RGS5: variants seen among roughly 807,000 people sequenced by gnomAD.
RGS5 encodes the protein regulator of G-protein signalling 5.
Under a neutral mutation model 18.9 loss-of-function variants are expected in RGS5, and 20 were observed. The ratio of observed to expected loss-of-function variants is 1.06; its 90% CI spans 0.74 to 1.54. The LOEUF (loss-of-function observed/expected upper bound fraction) is 1.54, where lower values mean the gene tolerates loss of function less well. Among genes scored for constraint, RGS5 ranks in the 40% most tolerant of loss-of-function variants. The pLI is 0.00. For synonymous variants in RGS5, 57 were observed against 76.2 expected, an observed-to-expected ratio of 0.75 and a Z score of 1.31; for missense variants, 201 against 211.8, an observed-to-expected ratio of 0.95 and a Z score of 0.32.
At chr1:163,279,160 T>C (rs1166550995) in intron 2 of RGS5, among the ~76,000 whole-genome samples, 4 of 152,144 alleles carry the variant, frequency 2.6e-5, no homozygotes, top group African/African-American at 9.6e-5. Flanking sequence ...AAGTCTACTA[T>C]AGACCAAATA....
intron 4 of RGS5, among the ~76,000 whole-genome samples, chr1:163,148,673 C>T (rs1296256890): frequency 1.3e-5 from 2 of 152,170 alleles, no homozygotes; most frequent in Non-Finnish European, 2.9e-5. Flanking sequence ...TGCACTGTGG[C>T]TTACATGTCC....
At chr1:163,183,863 T>A (rs371678015) in intron 1 of RGS5, among the ~76,000 whole-genome samples, 1 of 152,266 alleles carries the variant, frequency 6.6e-6, no homozygotes, top group East Asian at 1.9e-4. Flanking sequence ...CTTTCTCCCG[T>A]CTCTCCAGTG....
intron 2 of RGS5, among the ~76,000 whole-genome samples, chr1:163,280,978 T>C (rs1648976714): frequency 6.6e-6 from 1 of 152,148 alleles, no homozygotes; most frequent in African/African-American, 2.4e-5. Context: ...GTAGCTCTCA[T>C]TCCGATGAGT....
rs1000650062 is a variant in RGS5, at chr1:163,152,619, G to T, written c.315C>A (p.Ser105=). The change falls in exon 4 of 5, where the codon TCC becomes TCA. Residue 105 remains serine (S), a synonymous_variant. Coordinates refer to ENST00000313961, the MANE Select transcript of RGS5 (RefSeq NM_003617.4). ...IACEDYKKIK[S]PAKMAEKAKQ... is the part of the protein sequence containing the mutation. The stretch of plus-strand genomic sequence containing the variant: ...TTGCCTTCTCAGCCATCTTGGCAGG[G>T]GACTTGATCTTCTTGTAATCCTCAC... 4.3e-6 allele frequency: 7 copies of T among 1,612,468 alleles called. No individual in the cohort carries two copies. The Admixed American group carries it at 6.7e-5, about 15-fold the overall frequency.
intron 1 of RGS5, among the ~76,000 whole-genome samples, chr1:163,314,704 T>A (rs1422094605): frequency 6.6e-6 from 1 of 152,084 alleles, no homozygotes; most frequent in Non-Finnish European, 1.5e-5. Context: ...ACTCCCAAGG[T>A]GATATTAGGA....
intron 2 of RGS5, among the ~76,000 whole-genome samples, chr1:163,225,115 T>C (rs1435479221): frequency 6.6e-6 from 1 of 152,194 alleles, no homozygotes. Context: ...GATCAAATAA[T>C]GAAGTGTTTC....
intron 2 of RGS5, among the ~76,000 whole-genome samples, chr1:163,292,786 T>C (rs1649322866): frequency 6.6e-6 from 1 of 152,276 alleles, no homozygotes; most frequent in South Asian, 2.1e-4. Context: ...TGAGCTTTTC[T>C]TCATGTGTTT....
chr1:163,295,728 T>A (rs772572807), intron 2 of RGS5, among the ~76,000 whole-genome samples: 17 of 152,222 alleles, frequency 1.1e-4, no homozygotes, highest in Non-Finnish European at 2.2e-4. Context: ...AAGTGGAATC[T>A]TCAAAGGCAT....
chr1:163,200,078 G>A (rs1271685044), intron 1 of RGS5, among the ~76,000 whole-genome samples: 1 of 152,076 alleles, frequency 6.6e-6, no homozygotes, highest in Non-Finnish European at 1.5e-5. Context: ...GTTAGAACTC[G>A]AAAACATGTT....
At chr1:163,201,897 A>G (rs1659784035) in intron 1 of RGS5, among the ~76,000 whole-genome samples, 1 of 152,120 alleles carries the variant, frequency 6.6e-6, no homozygotes, top group South Asian at 2.1e-4. Context: ...ATTTAATCAA[A>G]TCCATTCTCA....
intron 1 of RGS5, among the ~76,000 whole-genome samples, chr1:163,192,156 A>T (rs1373983634): frequency 6.6e-6 from 1 of 152,194 alleles, no homozygotes; most frequent in African/African-American, 2.4e-5. Flanking sequence ...CCCGTGTCTT[A>T]TGAGACATTA....
chr1:163,307,957 T>C (rs1396043946), intron 1 of RGS5, among the ~76,000 whole-genome samples: 2 of 152,318 alleles, frequency 1.3e-5, no homozygotes, highest in African/African-American at 2.4e-5. Context: ...AACTTACATC[T>C]GTATCAGCCT....
Position 163,147,520 on chromosome 1 carries a change from A to G in RGS5, c.385-17T>C. 6.4e-7 allele frequency: 1 copy of G among 1,563,474 alleles called. No individual in the cohort carries two copies. Among genetic ancestry groups the G allele is most frequent in the Non-Finnish European group, 8.6e-7 (1 of 1,158,770 alleles). ...AATATTCACCTGTGGGCCAGGAAAC[A>G]GGGTCACTACATAAGCCTAAGTTAT... On this transcript the variant is annotated splice_polypyrimidine_tract_variant and intron_variant, in intron 4 of 4. Transcript: ENST00000313961.
chr1:163,216,922 T>C (rs1018171402), intron 1 of RGS5, among the ~76,000 whole-genome samples: 3 of 152,238 alleles, frequency 2.0e-5, no homozygotes, highest in African/African-American at 7.2e-5. Flanking sequence ...GTTGGCTTCA[T>C]AAACTCCACT....
At chr1:163,159,288 G>A (rs1657709588) in intron 3 of RGS5, among the ~76,000 whole-genome samples, 1 of 152,164 alleles carries the variant, frequency 6.6e-6, no homozygotes, top group Non-Finnish European at 1.5e-5. Context: ...AGTAAAGACA[G>A]GCATAGGAAG....
At chr1:163,213,177 T>C (rs1234201374) in intron 1 of RGS5, among the ~76,000 whole-genome samples, 5 of 152,206 alleles carry the variant, frequency 3.3e-5, no homozygotes, top group Admixed American at 2.6e-4. Context: ...AAAACTCATG[T>C]CCTGGATATA....
intron 2 of RGS5, chr1:163,266,804 G>A (rs1178684832): frequency 6.6e-6 from 1 of 151,930 alleles, no homozygotes; most frequent in Non-Finnish European, 1.5e-5. Context: ...AGAAAGCAGA[G>A]GCATATCTTA....
At chr1:163,231,871 A>G (rs1647490946) in intron 2 of RGS5, among the ~76,000 whole-genome samples, 1 of 151,966 alleles carries the variant, frequency 6.6e-6, no homozygotes, top group Non-Finnish European at 1.5e-5. Flanking sequence ...TTATCGTTAT[A>G]TGTGCAGAAG....
chr1:163,239,806 CTTAA>C (rs1647737176), intron 2 of RGS5, among the ~76,000 whole-genome samples: 2 of 143,836 alleles, frequency 1.4e-5, no homozygotes, highest in South Asian at 4.2e-4. Flanking sequence ...CTTCTACAAT[CTTAA>C]TCTATGTAGA....
Sources: allele counts gnomAD v4.1 joint callset (sites outside exome capture counted in the v4.1 genomes callset), GRCh38; gene constraint gnomAD v4.1.1; transcripts MANE v1.5; gene names NCBI Gene and HGNC (gene_info 2026-07-23, HGNC 2026-07-21).